ANK2: variants seen among roughly 807,000 people sequenced by gnomAD.
ANK2 encodes ankyrin-2.
ANK2 carries 83 observed loss-of-function variants against 360.5 expected under a neutral mutation model. The ratio of observed to expected loss-of-function variants is 0.23; its 90% confidence interval spans 0.19 to 0.28. ANK2 has a LOEUF of 0.28. ANK2 is among the 10% of genes least tolerant of loss of function. The pLI, the probability that ANK2 is intolerant of heterozygous loss-of-function variation, is 1.00. For missense variants in ANK2, 4,201 were observed against 4,795.7 expected, an observed-to-expected ratio of 0.88 and a Z score of 3.66; for synonymous variants, 1,740 against 1,759.5, an observed-to-expected ratio of 0.99 and a Z score of 0.28.
intron 2 of ANK2, among the ~76,000 whole-genome samples, chr4:113,043,364 C>G (rs960275439): frequency 2.0e-5 from 3 of 151,936 alleles, no homozygotes; most frequent in Non-Finnish European, 4.4e-5. Context: ...AGGGAGGGCA[C>G]TGGAGGAGAG....
Position 113,373,430 on chromosome 4 carries a change from G to A in ANK2, c.11840G>A (p.Ser3947Asn), listed in dbSNP as rs1481823362. ...GTTATAAAGCGTGTTGTATTGAAGA[G>A]TGACACCGAGCAGTCAGAGGTGAGA... ...SKVIKRVVLK[S>N]DTEQSEDNNE The change falls in exon 45 of 46, where the codon AGT becomes AAT. Residue 3947 changes from serine to asparagine, a missense_variant. By Grantham distance (46) the Ser-to-Asn change is conservative (BLOSUM62 1). Transcript: ENST00000357077. 4.3e-6 allele frequency: 7 copies of A among 1,614,186 alleles called. No homozygotes were observed. The Middle Eastern group carries it at 4.9e-4, about 114-fold the overall frequency.
intron 2 of ANK2, 90 bp from the exon 3 acceptor site, chr4:113,196,278 C>A: frequency 1.0e-6 from 1 of 962,308 alleles, no homozygotes; most frequent in Non-Finnish European, 1.7e-6. Context: ...CAGAGTCTGT[C>A]TGTTCTCTGG....
At chr4:112,754,740 T>C in the ANK2 span, among the ~76,000 whole-genome samples, 239 of 152,232 alleles carry the variant, frequency 1.6e-3, 1 homozygote, top group African/African-American at 5.3e-3. Flanking sequence ...ATTAAGTTTA[T>C]AATCCCTGCT....
the ANK2 span, among the ~76,000 whole-genome samples, chr4:112,771,070 A>T: frequency 1.3e-5 from 2 of 152,188 alleles, no homozygotes; most frequent in Non-Finnish European, 2.9e-5. Flanking sequence ...GGCCCCTGTA[A>T]CAAAAGAAAG....
At chr4:112,972,880 G>A (rs2040053488) in intron 2 of ANK2, among the ~76,000 whole-genome samples, 1 of 152,104 alleles carries the variant, frequency 6.6e-6, no homozygotes, top group African/African-American at 2.4e-5. Context: ...CAACTTGGAT[G>A]GAGCTGGAGG....
chr4:113,207,035 G>A (rs1318306719), intron 4 of ANK2, among the ~76,000 whole-genome samples: 3 of 151,876 alleles, frequency 2.0e-5, no homozygotes, highest in African/African-American at 7.3e-5. Context: ...AAAAAAAATT[G>A]CCAAGAAAGA....
chr4:113,271,448 C>T (rs1400409623), intron 14 of ANK2, among the ~76,000 whole-genome samples: 1 of 148,512 alleles, frequency 6.7e-6, no homozygotes, highest in East Asian at 2.0e-4. Context: ...CTTGATTTCT[C>T]ACCGCACGCA....
chr4:112,766,284 G>T, the ANK2 span, among the ~76,000 whole-genome samples: 1 of 151,010 alleles, frequency 6.6e-6, no homozygotes, highest in African/African-American at 2.4e-5. Context: ...TCGCACCACT[G>T]CACTCCAGCC....
At chr4:112,915,764 AT>A (rs200782474) in intron 2 of ANK2, among the ~76,000 whole-genome samples, 2,805 of 149,706 alleles carry the variant, frequency 0.019, 79 homozygotes, top group African/African-American at 0.061. Context: ...CAAAAAAAAA[AT>A]AAATAAATAA....
chr4:113,017,607 T>C (rs1230963045), intron 2 of ANK2, among the ~76,000 whole-genome samples: 1 of 152,204 alleles, frequency 6.6e-6, no homozygotes, highest in African/African-American at 2.4e-5. Context: ...CCCATATTAT[T>C]TGGGTTCCAT....
intron 2 of ANK2, among the ~76,000 whole-genome samples, chr4:112,943,984 G>A (rs2094400278): frequency 6.6e-6 from 1 of 152,108 alleles, no homozygotes; most frequent in African/African-American, 2.4e-5. Flanking sequence ...AAACAAAATG[G>A]AGATGGTTTT....
chr4:113,186,694 T>G (rs1439587060), intron 2 of ANK2, among the ~76,000 whole-genome samples: 2 of 152,054 alleles, frequency 1.3e-5, no homozygotes, highest in African/African-American at 4.8e-5. Context: ...CCTCTTCTCT[T>G]ATGGAATACA....
chr4:113,011,536 A>G (rs1184987931), intron 2 of ANK2, among the ~76,000 whole-genome samples: 1 of 152,114 alleles, frequency 6.6e-6, no homozygotes, highest in East Asian at 1.9e-4. Context: ...ATGTGACAAG[A>G]CAAAAGAGCT....
In ANK2 at chr4:113,044,365, A is replaced by G. The variant is rs78603524; in HGVS notation, c.22-130051A>G. ...GCTAGCACATGAATAGAGATTACTC[A>G]TGGGAGGGTTTATTAACTAGGCTTC... is the stretch of plus-strand genomic sequence containing the variant. On this transcript the variant is annotated intron_variant, in intron 2 of 30. Coordinates refer to the ANK2 transcript ENST00000503271. Among the ~76,000 whole-genome samples the G allele has an allele frequency of 5.5e-3, 837 of 152,300 alleles. 8 individuals carry two copies. Among genetic ancestry groups the G allele is most frequent in the African/African-American group, 0.019 (795 of 41,564 alleles).
At chr4:112,805,312 TAC>T in the ANK2 span, among the ~76,000 whole-genome samples, 3,534 of 152,280 alleles carry the variant, frequency 0.023, 115 homozygotes, top group African/African-American at 0.079. Context: ...TTAAGCTTCA[TAC>T]ATTTTTATGA....
intron 26 of ANK2, among the ~76,000 whole-genome samples, chr4:113,321,741 A>C (rs996284422): frequency 6.6e-6 from 1 of 151,002 alleles, no homozygotes; most frequent in African/African-American, 2.4e-5. Flanking sequence ...AAATGTAAGG[A>C]AAAAAAAAGG....
chr4:112,865,122 G>A (rs974905409), intron 1 of ANK2, among the ~76,000 whole-genome samples: 143 of 143,802 alleles, frequency 9.9e-4, no homozygotes, highest in African/African-American at 3.2e-3. Context: ...AGTGCAACAT[G>A]TGGATTATGT....
chr4:112,799,145 A>C, the ANK2 span, among the ~76,000 whole-genome samples: 1 of 152,104 alleles, frequency 6.6e-6, no homozygotes, highest in South Asian at 2.1e-4. Flanking sequence ...AGGTGTTAGA[A>C]TTTCCTTCCT....
At chr4:112,718,129 C>A in the ANK2 span, among the ~76,000 whole-genome samples, 6 of 152,202 alleles carry the variant, frequency 3.9e-5, no homozygotes, top group Admixed American at 1.3e-4. Context: ...TTCTCTCCTG[C>A]CTATTCTAGG....
Sources: allele counts gnomAD v4.1 joint callset (sites outside exome capture counted in the v4.1 genomes callset), GRCh38; gene constraint gnomAD v4.1.1; transcripts MANE v1.5; gene names NCBI Gene and HGNC (gene_info 2026-07-23, HGNC 2026-07-21).